NTM: variants seen among roughly 807,000 people sequenced by gnomAD.
The protein encoded by NTM is IgLON family member 2.
NTM carries 13 observed loss-of-function variants against 42.1 expected under a neutral mutation model. The ratio of observed to expected loss-of-function variants is 0.31; its 90% CI spans 0.20 to 0.49. The LOEUF (loss-of-function observed/expected upper bound fraction) is 0.49. Among genes scored for constraint, NTM ranks in the 20% least tolerant of loss-of-function variants. The pLI is 0.99. For missense variants in NTM, 373 were observed against 452.8 expected (o/e 0.82, Z 1.60); for synonymous variants, 187 against 179.2 (o/e 1.04, Z -0.35).
intron 1 of NTM, among the ~76,000 whole-genome samples, chr11:131,814,019 A>T (rs754789917): frequency 6.6e-6 from 1 of 152,120 alleles, no homozygotes; most frequent in East Asian, 1.9e-4. Context: ...ATTAATAATA[A>T]TATTATTATT....
intron 1 of NTM, among the ~76,000 whole-genome samples, chr11:131,589,167 ATGTGTGTGTGTGTGTG>A (rs58237274): frequency 7.7e-5 from 11 of 143,508 alleles, no homozygotes; most frequent in Admixed American, 2.1e-4. Flanking sequence ...ACCTGGAAAA[ATGTGTGTGTGTGTGTG>A]TGTGTGTGTG....
At position 131,906,950 on chromosome 11, in the gene NTM, T is replaced by C. The variant is rs146192579; in HGVS notation, c.83-4614T>C. On this transcript the variant is annotated intron_variant, in intron 1 of 8. Coordinates refer to ENST00000683400, the MANE Select transcript of NTM (RefSeq NM_001352005.2). ...ATTCATAGAGGAGCAAAAAATAGCA[T>C]ATATTTTTCCAGTTCCCAGCCCTTC... 5.4e-4 allele frequency among the ~76,000 whole-genome samples: 83 copies of C among 152,328 alleles called. 1 individual carries two copies. In the East Asian group the frequency reaches 0.012, roughly 22 times the overall value.
intron 1 of NTM, among the ~76,000 whole-genome samples, chr11:131,737,607 T>C (rs568021334): frequency 6.6e-6 from 1 of 152,312 alleles, no homozygotes; most frequent in Non-Finnish European, 1.5e-5. Context: ...TGGGGGAAGA[T>C]GAATAGATCT....
chr11:132,147,565 T>C (rs2070814124), intron 3 of NTM, among the ~76,000 whole-genome samples: 1 of 152,138 alleles, frequency 6.6e-6, no homozygotes, highest in South Asian at 2.1e-4. Flanking sequence ...CTTTTCTCTT[T>C]TTTAGGACTT....
intron 4 of NTM, among the ~76,000 whole-genome samples, chr11:132,230,154 G>A (rs751239501): frequency 6.6e-6 from 1 of 152,138 alleles, no homozygotes; most frequent in East Asian, 1.9e-4. Context: ...CCTGAGAGTC[G>A]ATGTATCTTC....
chr11:131,580,635 G>A (rs185647669), intron 1 of NTM, among the ~76,000 whole-genome samples: 782 of 152,294 alleles, frequency 5.1e-3, no homozygotes, highest in Non-Finnish European at 8.4e-3. Context: ...GATGGGAGTT[G>A]AGAAGGAGTA....
At position 131,657,258 on chromosome 11, in the gene NTM, G is replaced by A. The variant is rs766561711; in HGVS notation, c.83-254306G>A. Among the ~76,000 whole-genome samples, 21 of 152,144 alleles carry A rather than the reference G, an allele frequency of 1.4e-4. 1 individual carries two copies. The highest frequency in any genetic ancestry group is 3.1e-4 in the Non-Finnish European group (21 of 68,026). On this transcript the variant is annotated intron_variant, in intron 1 of 8. Coordinates refer to ENST00000683400, the MANE Select transcript of NTM (RefSeq NM_001352005.2). ...AGTTAGCTGCTGTCTAGGGTTCTGA[G>A]CCCTTTGGAGAGGAAAGCATCTGAG...
intron 1 of NTM, among the ~76,000 whole-genome samples, chr11:131,862,567 G>A (rs949885151): frequency 2.6e-5 from 4 of 152,034 alleles, no homozygotes; most frequent in African/African-American, 9.7e-5. Flanking sequence ...TTTGTTTGAT[G>A]GTAAGGTTAT....
At chr11:132,206,843 C>G (rs2082059613) in intron 3 of NTM, among the ~76,000 whole-genome samples, 1 of 152,176 alleles carries the variant, frequency 6.6e-6, no homozygotes, top group Non-Finnish European at 1.5e-5. Context: ...AGCTGTTATC[C>G]TCCCTCCTAG....
chr11:132,311,349 TA>T (rs910592630), intron 6 of NTM, among the ~76,000 whole-genome samples: 11 of 152,078 alleles, frequency 7.2e-5, no homozygotes, highest in East Asian at 3.9e-4. Context: ...TTTGTTTTTT[TA>T]AAAAAAAATT....
chr11:131,910,038 T>C (rs1034625382), intron 1 of NTM: 1 of 152,204 alleles, frequency 6.6e-6, no homozygotes, highest in East Asian at 1.9e-4. Flanking sequence ...ATTTTTCCAG[T>C]TTCGCACACT....
intron 2 of NTM, among the ~76,000 whole-genome samples, chr11:132,029,693 G>T (rs1323613031): frequency 6.6e-6 from 1 of 152,102 alleles, no homozygotes; most frequent in Non-Finnish European, 1.5e-5. Flanking sequence ...GAAAAAGTGG[G>T]AAATAGAGTG....
intron 1 of NTM, among the ~76,000 whole-genome samples, chr11:131,524,445 T>C (rs2136601305): frequency 6.6e-6 from 1 of 152,262 alleles, no homozygotes; most frequent in South Asian, 2.1e-4. Context: ...AAAGGGGAAA[T>C]GTAATCCACC....
chr11:131,980,688 G>C lies in NTM; in HGVS notation c.167+69040G>C, dbSNP rs534817114. 2.3e-3 allele frequency among the ~76,000 whole-genome samples: 349 copies of C among 152,300 alleles called. 2 individuals carry two copies. Among genetic ancestry groups the C allele is most frequent in the Non-Finnish European group, 4.2e-3 (284 of 68,036 alleles). ...TGAGCACATACAGTGTGCCAATGCT[G>C]TGCTGAGCTCTGGGTGTACTGATAG... On this transcript the variant is annotated intron_variant, in intron 2 of 8. Coordinates refer to ENST00000683400, the MANE Select transcript of NTM (RefSeq NM_001352005.2).
intron 1 of NTM, among the ~76,000 whole-genome samples, chr11:131,855,046 T>C (rs1359694190): frequency 6.6e-6 from 1 of 152,178 alleles, no homozygotes; most frequent in Non-Finnish European, 1.5e-5. Flanking sequence ...CTGGGCCCTG[T>C]GTCTGTGAGG....
At chr11:131,792,402 C>A (rs760207055) in intron 1 of NTM, among the ~76,000 whole-genome samples, 5 of 152,114 alleles carry the variant, frequency 3.3e-5, no homozygotes, top group Non-Finnish European at 7.3e-5. Flanking sequence ...ATTTCTGACA[C>A]TCCAGGTTTG....
intron 1 of NTM, among the ~76,000 whole-genome samples, chr11:131,880,695 C>G (rs994218121): frequency 6.6e-6 from 1 of 152,216 alleles, no homozygotes; most frequent in African/African-American, 2.4e-5. Flanking sequence ...CATATACACA[C>G]TCTCATTTGC....
At chr11:131,410,362 C>T (rs1036234222) in intron 1 of NTM, among the ~76,000 whole-genome samples, 1 of 151,528 alleles carries the variant, frequency 6.6e-6, no homozygotes, top group Non-Finnish European at 1.5e-5. Context: ...GGTGCATACC[C>T]GTGGTCCCAG....
At chr11:132,055,417 G>A (rs1283827251) in intron 2 of NTM, among the ~76,000 whole-genome samples, 1 of 152,126 alleles carries the variant, frequency 6.6e-6, no homozygotes, top group Non-Finnish European at 1.5e-5. Context: ...CAAATAGTAT[G>A]AGCCCATCAA....
Sources: gnomAD v4.1 joint callset for allele counts (sites outside exome capture counted in the v4.1 genomes callset) on GRCh38, gnomAD v4.1.1 for gene constraint, MANE v1.5 for transcripts, NCBI Gene and HGNC (gene_info 2026-07-23, HGNC 2026-07-21) for gene names.